ZNF559: variants seen among roughly 807,000 people sequenced by gnomAD.
ZNF559 encodes zinc finger protein 559.
Under a neutral mutation model 14.2 loss-of-function variants are expected in ZNF559, and 17 were observed. The ratio of observed to expected loss-of-function variants is 1.20; its 90% confidence interval spans 0.82 to 1.80. The LOEUF (loss-of-function observed/expected upper bound fraction) is 1.80, where lower values mean the gene tolerates loss of function less well. Among genes scored for constraint, ZNF559 ranks in the 40% most tolerant of loss-of-function variants. ZNF559 has a pLI of 0.00. For missense variants in ZNF559, 740 were observed against 629.7 expected (o/e 1.18, Z -1.88); for synonymous variants, 244 against 212.4 (o/e 1.15, Z -1.29).
At position 9,341,226 on chromosome 19, in the gene ZNF559, G is replaced by C. The variant is rs367615000; in HGVS notation, c.243+42G>C. ...ATAATTTATTGTCTTCCATGTTAGA[G>C]GAAGATTGGAAATTCCTTAAAATGG... On this transcript the variant is annotated intron_variant, in intron 6 of 6. Transcript: ENST00000603380. 16 of 1,569,538 alleles carry C rather than the reference G, an allele frequency of 1.0e-5. No homozygotes were observed. The African/African-American group carries it at 1.8e-4, about 17-fold the overall frequency.
Position 9,324,795 on chromosome 19 carries a change from C to T in ZNF559, c.-120+15C>T, listed in dbSNP as rs1315162514. 6.5e-6 allele frequency: 10 copies of T among 1,534,190 alleles called. No homozygotes were observed. The highest frequency in any genetic ancestry group is 8.7e-6 in the Non-Finnish European group (10 of 1,145,410). On this transcript the variant is annotated intron_variant, in intron 2 of 6. Coordinates refer to ENST00000603380, the MANE Select transcript of ZNF559 (RefSeq NM_032497.3). ...GTCGTGTCCCGGTGAGCACTTCATG[C>T]ACTTGTTCTGGCTGTGGGTGTCGGG... is the stretch of plus-strand genomic sequence containing the variant.
Position 9,336,619 on chromosome 19 carries a change from T to C in ZNF559, c.-119-1177T>C, listed in dbSNP as rs139907604. ...CAAAAAAAAAACAAAAAAAAACTTA[T>C]GTGTTTATTATCTGCTTAGCCCTTT... On this transcript the variant is annotated intron_variant, in intron 2 of 6. Transcript: ENST00000603380. 6.1e-3 allele frequency among the ~76,000 whole-genome samples: 932 copies of C among 152,078 alleles called. 4 individuals are homozygous for C. Among genetic ancestry groups the C allele is most frequent in the Admixed American group, 0.011 (163 of 15,268 alleles).
upstream of ZNF559, chr19:9,323,847 C>T (rs2066424002): frequency 5.6e-6 from 2 of 354,894 alleles, no homozygotes; most frequent in East Asian, 4.9e-5. Flanking sequence ...GGTTCTGTTT[C>T]GGAGCCCTTG....
At chr19:9,332,497 C>T (rs2066992273) in intron 2 of ZNF559, among the ~76,000 whole-genome samples, 1 of 152,176 alleles carries the variant, frequency 6.6e-6, no homozygotes, top group Non-Finnish European at 1.5e-5. Flanking sequence ...TGCCCTGCCA[C>T]TTGCCTTGGG....
intron 2 of ZNF559, among the ~76,000 whole-genome samples, chr19:9,332,811 C>T (rs1293087699): frequency 1.3e-5 from 2 of 152,134 alleles, no homozygotes; most frequent in African/African-American, 2.4e-5. Flanking sequence ...TCTTTCTTAG[C>T]AAAGCTTATT....
At chr19:9,339,767 CTTTT>C (rs200842205) in intron 5 of ZNF559, among the ~76,000 whole-genome samples, 5 of 134,552 alleles carry the variant, frequency 3.7e-5, no homozygotes, top group Non-Finnish European at 3.1e-5. Flanking sequence ...ACATTCTTTA[CTTTT>C]TTTTTTTTTT....
chr19:9,338,817 T>C (rs1366586658), intron 4 of ZNF559, among the ~76,000 whole-genome samples: 1 of 152,206 alleles, frequency 6.6e-6, no homozygotes, highest in Non-Finnish European at 1.5e-5. Flanking sequence ...CATGCTGATA[T>C]GCTTTCATTT....
chr19:9,343,929 T>A lies in ZNF559; in HGVS notation c.*861T>A. The A allele has an allele frequency of 1.9e-6, 1 of 525,542 alleles. No individual in the cohort carries two copies. The highest frequency in any genetic ancestry group is 2.4e-6 in the Non-Finnish European group (1 of 410,234). 32.6% of individuals were successfully genotyped at this position (525,542 alleles called of 1,614,324 possible). ...TTCCACTCTTTCCCCCATTTGTCAC[T>A]ACTACACTTCCCTAGTCTTTAAAAC... On this transcript the variant is annotated 3_prime_UTR_variant, in exon 7 of 7. Transcript: ENST00000603380.
In ZNF559 at chr19:9,342,185, C is replaced by A; in HGVS notation, c.734C>A (p.Ala245Glu). 1 of 1,607,202 alleles carries A rather than the reference C, an allele frequency of 6.2e-7. No individual in the cohort carries two copies. The highest frequency in any genetic ancestry group is 8.5e-7 in the Non-Finnish European group (1 of 1,177,826). Residue 245 changes from alanine (A) to glutamate (E), a missense_variant, in exon 7 of 7, where the codon GCA becomes GAA. Transcript: ENST00000603380. ...QDGEKFYECK[A>E]CGKPFTESSY... ...GGAGAAAAATTCTATGAATGTAAAGCATGTGGGAAACCCTTCACTGAGTCG... is the reference window on the plus strand; with the variant it reads ...GGAGAAAAATTCTATGAATGTAAAGAATGTGGGAAACCCTTCACTGAGTCG...
At position 9,342,226 on chromosome 19, in the gene ZNF559, C is replaced by T. The variant is rs761611649; in HGVS notation, c.775C>T (p.His259Tyr). 1 of 1,587,792 alleles carries T rather than the reference C, an allele frequency of 6.3e-7. No individual in the cohort carries two copies. Among genetic ancestry groups the T allele is most frequent in the Non-Finnish European group, 8.5e-7 (1 of 1,171,388 alleles). ...PFTESSYLTQ[H>Y]LRTHSRVLPI... The stretch of plus-strand genomic sequence containing the variant: ...CACTGAGTCGTCATATCTTACTCAA[C>T]ATTTAAGAACTCATAGTAGAGTGTT... Residue 259 changes from histidine (H) to tyrosine (Y), a missense_variant, in exon 7 of 7, where the codon CAT becomes TAT. Coordinates refer to ENST00000603380, the MANE Select transcript of ZNF559 (RefSeq NM_032497.3).
intron 2 of ZNF559, among the ~76,000 whole-genome samples, chr19:9,333,458 T>C (rs1281412355): frequency 6.6e-6 from 1 of 152,134 alleles, no homozygotes; most frequent in Non-Finnish European, 1.5e-5. Context: ...ATCCCAGCAC[T>C]TGGGGAGGCC....
chr19:9,332,795 GTATCTTC>G (rs2067010131), intron 2 of ZNF559, among the ~76,000 whole-genome samples: 1 of 152,096 alleles, frequency 6.6e-6, no homozygotes, highest in African/African-American at 2.4e-5. Flanking sequence ...AAAATCATGG[GTATCTTC>G]TTTCTTAGCA....
intron 5 of ZNF559, 36 bp from the exon 6 acceptor site, chr19:9,341,066 C>A (rs781055390): frequency 7.3e-6 from 11 of 1,516,094 alleles, no homozygotes; most frequent in Non-Finnish European, 9.9e-6. Context: ...ATCATTATTT[C>A]TCTAAGAACT....
Position 9,325,781 on chromosome 19 carries a change from G to A in ZNF559, c.-120+1001G>A, listed in dbSNP as rs994902981. Among the ~76,000 whole-genome samples the A allele has an allele frequency of 2.8e-4, 12 of 42,570 alleles. No individual in the cohort carries two copies. In the South Asian group the frequency reaches 6.1e-3, roughly 21 times the overall value. The allele number at this position is 42,570 out of a possible 152,430, so 27.9% of individuals were successfully genotyped here. A position where few individuals can be genotyped will look rare whatever the true frequency, so the allele number is the denominator to read the frequency against. On this transcript the variant is annotated intron_variant, in intron 2 of 6. Transcript: ENST00000603380. ...AGCCTGGGCAACAGTGCGAGACTCC[G>A]TCTCCAAAAAAAAAAAAAAAAGTCT...
chr19:9,341,855 C>T lies in ZNF559; in HGVS notation c.404C>T (p.Thr135Ile), dbSNP rs368908658. The part of the protein sequence containing the change: ...EKAFRKPSIF[T>I]LHKKTDIGEE... ...GCCTTCAGAAAACCCTCTATCTTTA[C>T]TTTACACAAGAAAACTGATATCGGA... Residue 135 changes from threonine (T) to isoleucine (I), a missense_variant, in exon 7 of 7, where the codon ACT becomes ATT. Transcript: ENST00000603380. 9 of 1,610,030 alleles carry T rather than the reference C, an allele frequency of 5.6e-6. No individual in the cohort carries two copies. In the African/African-American group the frequency reaches 1.2e-4, roughly 22 times the overall value.
At chr19:9,324,262 G>A in intron 1 of ZNF559, 34 bp downstream of exon 1, 1 of 1,536,066 alleles carries the variant, frequency 6.5e-7, no homozygotes, top group Middle Eastern at 1.7e-4. Flanking sequence ...GTTCGGTGGT[G>A]TCCCGGTGCA....
chr19:9,341,049 TTTTAAAATCATTA>T lies in ZNF559; in HGVS notation c.161-49_161-37del, dbSNP rs1446813570. On this transcript the variant is annotated intron_variant, in intron 5 of 6. Coordinates refer to ENST00000603380, the MANE Select transcript of ZNF559 (RefSeq NM_032497.3). ...ACTAGTCTTGCATTTTTAACACCCTTTTTAAAATCATTATTTCTCTAAGAACTTAAAATTTTTT... is the reference window on the plus strand; with the variant it reads ...ACTAGTCTTGCATTTTTAACACCCTTTTTCTCTAAGAACTTAAAATTTTTT... The T allele has an allele frequency of 1.7e-5, 24 of 1,439,668 alleles. No individual in the cohort carries two copies. The Admixed American group carries it at 4.9e-4, about 29-fold the overall frequency. 89.2% of individuals were successfully genotyped at this position (1,439,668 alleles called of 1,614,324 possible).
chr19:9,339,765 T>A (rs1397549678), intron 5 of ZNF559, among the ~76,000 whole-genome samples: 1 of 104,884 alleles, frequency 9.5e-6, no homozygotes. Context: ...GCACATTCTT[T>A]ACTTTTTTTT....
At chr19:9,332,355 G>GTATATATA (rs1555728482) in intron 2 of ZNF559, among the ~76,000 whole-genome samples, 323 of 150,044 alleles carry the variant, frequency 2.2e-3, no homozygotes, top group African/African-American at 7.5e-3. Flanking sequence ...ATGTGTGTGT[G>GTATATATA]TATATATATA....
Sources: allele counts gnomAD v4.1 joint callset (sites outside exome capture counted in the v4.1 genomes callset), GRCh38; gene constraint gnomAD v4.1.1; transcripts MANE v1.5; gene names NCBI Gene and HGNC (gene_info 2026-07-23, HGNC 2026-07-21).